The following MDGA2 variants were observed in gnomAD, a reference collection of about 807,000 sequenced individuals.
MDGA2 encodes MAM domain-containing glycosylphosphatidylinositol anchor protein 2.
A neutral mutation model predicts 117.8 loss-of-function variants in MDGA2; 40 were observed. The ratio of observed to expected loss-of-function variants is 0.34; its 90% CI spans 0.26 to 0.44. The LOEUF (loss-of-function observed/expected upper bound fraction) is 0.44, where lower values mean the gene tolerates loss of function less well. Ranked by LOEUF, MDGA2 falls within the 20% of genes least tolerant of loss-of-function variation. MDGA2 has a pLI of 1.00. For missense variants in MDGA2, 1,123 were observed against 1,250.6 expected (o/e 0.90, Z 1.54); for synonymous variants, 452 against 439.0 (o/e 1.03, Z -0.37).
chr14:47,506,625 A>T (rs1894518304), intron 1 of MDGA2, among the ~76,000 whole-genome samples: 1 of 152,230 alleles, frequency 6.6e-6, no homozygotes, highest in South Asian at 2.1e-4. Context: ...CCAGTATGGT[A>T]GCCACTAGCC....
intron 3 of MDGA2, among the ~76,000 whole-genome samples, chr14:47,160,669 T>A (rs764246886): frequency 6.6e-6 from 1 of 152,030 alleles, no homozygotes; most frequent in Admixed American, 6.6e-5. Context: ...GTCTCTAAAA[T>A]AAATGAATAA....
intron 8 of MDGA2, among the ~76,000 whole-genome samples, chr14:47,019,477 T>C (rs1057303512): frequency 3.9e-5 from 6 of 152,140 alleles, no homozygotes; most frequent in African/African-American, 1.4e-4. Context: ...AAAACCGCAA[T>C]TACTTTCTCA....
chr14:47,528,233 C>A (rs1895013681), intron 1 of MDGA2, among the ~76,000 whole-genome samples: 1 of 152,178 alleles, frequency 6.6e-6, no homozygotes. Flanking sequence ...GCACTGCTAA[C>A]AGTCACACCT....
intron 7 of MDGA2, among the ~76,000 whole-genome samples, chr14:47,057,272 A>C (rs1341159098): frequency 1.3e-5 from 2 of 152,084 alleles, no homozygotes; most frequent in Non-Finnish European, 2.9e-5. Context: ...AAAAATTCAC[A>C]ATTTCTACAG....
chr14:47,289,068 A>C (rs1180483122), intron 2 of MDGA2, among the ~76,000 whole-genome samples: 2 of 152,096 alleles, frequency 1.3e-5, no homozygotes, highest in Non-Finnish European at 2.9e-5. Flanking sequence ...GTAAGTTATT[A>C]AACTTAAGTC....
chr14:47,019,995 C>G (rs1018612835), intron 8 of MDGA2, among the ~76,000 whole-genome samples: 5 of 152,246 alleles, frequency 3.3e-5, no homozygotes, highest in African/African-American at 1.2e-4. Flanking sequence ...TGGATGAATG[C>G]AGAAACTTCA....
intron 1 of MDGA2, among the ~76,000 whole-genome samples, chr14:47,467,835 GGTCTTATACAA>G (rs1893636089): frequency 6.6e-6 from 1 of 151,874 alleles, no homozygotes. Context: ...CTTGTTGACT[GGTCTTATACAA>G]AATGACCCAT....
intron 9 of MDGA2, among the ~76,000 whole-genome samples, chr14:46,943,857 C>T (rs559424296): frequency 2.0e-5 from 3 of 152,142 alleles, no homozygotes; most frequent in Middle Eastern, 3.4e-3. Flanking sequence ...CAACTACTCA[C>T]CTCTGTGGCT....
intron 1 of MDGA2, among the ~76,000 whole-genome samples, chr14:47,517,959 G>C (rs1424057123): frequency 6.6e-6 from 1 of 152,054 alleles, no homozygotes; most frequent in African/African-American, 2.4e-5. Context: ...AAAAATTAAA[G>C]TGATGAGTGC....
rs1209364015 is a variant in MDGA2, at chr14:47,106,432, C to A, written c.926-9309G>T. ...GCAGCAGCCAGGCGTTCCTCCAGAA[C>A]CTCCTCCCACAGGAGCTTGCTACAT... On this transcript the variant is annotated intron_variant, in intron 5 of 16. Coordinates refer to ENST00000399232, the MANE Select transcript of MDGA2 (RefSeq NM_001113498.3). Among the ~76,000 whole-genome samples, 19 of 152,084 alleles carry A rather than the reference C, an allele frequency of 1.2e-4. No individual in the cohort carries two copies. In the South Asian group the frequency reaches 1.7e-3, roughly 13 times the overall value.
chr14:47,532,998 A>T (rs1000330038), intron 1 of MDGA2, among the ~76,000 whole-genome samples: 1 of 152,210 alleles, frequency 6.6e-6, no homozygotes, highest in Non-Finnish European at 1.5e-5. Context: ...TAGTTCTCCA[A>T]TCCCCATATT....
chr14:47,412,422 C>T (rs185188964), intron 1 of MDGA2, among the ~76,000 whole-genome samples: 5 of 152,238 alleles, frequency 3.3e-5, no homozygotes, highest in African/African-American at 1.2e-4. Context: ...GATGGGAATA[C>T]AGGCGCATGC....
chr14:47,189,057 G>A (rs1885014877), intron 3 of MDGA2, among the ~76,000 whole-genome samples: 1 of 152,114 alleles, frequency 6.6e-6, no homozygotes, highest in Non-Finnish European at 1.5e-5. Flanking sequence ...GTTGGTGACA[G>A]CTCACTTAAT....
chr14:47,512,137 A>G (rs1352866763), intron 1 of MDGA2, among the ~76,000 whole-genome samples: 4 of 152,180 alleles, frequency 2.6e-5, no homozygotes, highest in Admixed American at 2.6e-4. Flanking sequence ...CACCATGCAT[A>G]TCAACTGACT....
chr14:47,438,942 T>C (rs1400347587), intron 1 of MDGA2, among the ~76,000 whole-genome samples: 1 of 152,164 alleles, frequency 6.6e-6, no homozygotes, highest in African/African-American at 2.4e-5. Flanking sequence ...GTGCCTACTC[T>C]ATCTTCGCCA....
chr14:47,151,281 G>A (rs1260265895), intron 3 of MDGA2, among the ~76,000 whole-genome samples: 1 of 152,188 alleles, frequency 6.6e-6, no homozygotes, highest in Non-Finnish European at 1.5e-5. Flanking sequence ...TCCTACAAAG[G>A]AGATTGATGC....
At chr14:46,991,657 C>A (rs998013380) in intron 8 of MDGA2, among the ~76,000 whole-genome samples, 3 of 152,098 alleles carry the variant, frequency 2.0e-5, no homozygotes, top group Non-Finnish European at 4.4e-5. Context: ...TTTCTCCTCT[C>A]ATACTGGAAT....
At chr14:47,012,872 C>T (rs1361920059) in intron 8 of MDGA2, among the ~76,000 whole-genome samples, 1 of 152,116 alleles carries the variant, frequency 6.6e-6, no homozygotes, top group Non-Finnish European at 1.5e-5. Flanking sequence ...ATTACATTTA[C>T]ACTATACTGC....
intron 1 of MDGA2, among the ~76,000 whole-genome samples, chr14:47,640,005 G>A (rs866208848): frequency 1.4e-4 from 22 of 152,262 alleles, no homozygotes; most frequent in Middle Eastern, 6.8e-3. Flanking sequence ...GAATGAATGA[G>A]AACTCTCAAG....
Sources: allele counts gnomAD v4.1 joint callset (sites outside exome capture counted in the v4.1 genomes callset), GRCh38; gene constraint gnomAD v4.1.1; transcripts MANE v1.5; gene names NCBI Gene and HGNC (gene_info 2026-07-23, HGNC 2026-07-21).